Variants in RBFOX1 observed in about 807,000 individuals in gnomAD.
RBFOX1 encodes RNA binding protein fox-1 homolog 1.
RBFOX1 carries 8 observed loss-of-function variants against 57.7 expected under a neutral mutation model. The ratio of observed to expected loss-of-function variants is 0.14; its 90% CI spans 0.08 to 0.25. RBFOX1 has a LOEUF of 0.25. Among genes scored for constraint, RBFOX1 ranks in the 10% least tolerant of loss-of-function variants. The probability of loss-of-function intolerance (pLI) is 1.00; values close to 1 mark genes in which losing one functional copy is unlikely to be tolerated. For synonymous variants in RBFOX1, 326 were observed against 222.4 expected (o/e 1.47, Z -4.15); for missense variants, 611 against 548.5 (o/e 1.11, Z -1.14).
intron 2 of RBFOX1, among the ~76,000 whole-genome samples, chr16:6,487,606 T>C (rs536242078): frequency 3.7e-5 from 5 of 136,040 alleles, no homozygotes; most frequent in African/African-American, 1.1e-4. Context: ...AGGAAAGACT[T>C]TTCAAGAAAA....
chr16:6,759,065 T>C (rs1026114185), intron 3 of RBFOX1, among the ~76,000 whole-genome samples: 1 of 152,162 alleles, frequency 6.6e-6, no homozygotes, highest in Non-Finnish European at 1.5e-5. Flanking sequence ...GTTCCCGTTA[T>C]GAAACAGAAA....
At chr16:6,051,372 G>A (rs1213942912) in intron 1 of RBFOX1, among the ~76,000 whole-genome samples, 1 of 151,948 alleles carries the variant, frequency 6.6e-6, no homozygotes, top group Admixed American at 6.6e-5. Flanking sequence ...CTGTTGCCCA[G>A]GCTGGAGTAC....
At chr16:6,951,465 A>G (rs939911444) in intron 3 of RBFOX1, among the ~76,000 whole-genome samples, 3 of 152,162 alleles carry the variant, frequency 2.0e-5, no homozygotes, top group East Asian at 1.9e-4. Flanking sequence ...GAGCTTTTAT[A>G]TAGTTACATA....
chr16:6,252,776 T>A (rs1397144398), intron 1 of RBFOX1, among the ~76,000 whole-genome samples: 1 of 152,178 alleles, frequency 6.6e-6, no homozygotes, highest in East Asian at 1.9e-4. Flanking sequence ...GTGGAAGATT[T>A]AAATTCTGCG....
intron 3 of RBFOX1, among the ~76,000 whole-genome samples, chr16:6,982,526 C>G (rs1314137705): frequency 1.3e-5 from 2 of 152,180 alleles, no homozygotes; most frequent in East Asian, 3.8e-4. Context: ...CGGCCTCGCC[C>G]TCTGTTCATC....
chr16:7,142,029 CTTCTTTT>C (rs2152117226), intron 4 of RBFOX1, among the ~76,000 whole-genome samples: 1 of 151,766 alleles, frequency 6.6e-6, no homozygotes, highest in South Asian at 2.1e-4. Context: ...TTCCTTCTTT[CTTCTTTT>C]TATCTGAGAC....
chr16:5,456,565 A>G (rs2068636857), intron 1 of RBFOX1, among the ~76,000 whole-genome samples: 1 of 152,230 alleles, frequency 6.6e-6, no homozygotes, highest in African/African-American at 2.4e-5. Context: ...CATTTTAAAG[A>G]CCTACACATC....
intron 1 of RBFOX1, among the ~76,000 whole-genome samples, chr16:6,124,337 C>G (rs1265886184): frequency 6.6e-6 from 1 of 152,142 alleles, no homozygotes. Flanking sequence ...AAAGTTTTCA[C>G]TCTGTCTCAG....
chr16:7,705,893 C>G (rs537771513), intron 14 of RBFOX1, among the ~76,000 whole-genome samples: 4 of 152,144 alleles, frequency 2.6e-5, no homozygotes, highest in African/African-American at 7.2e-5. Flanking sequence ...GAAGTGGGCA[C>G]ATGGAGATCA....
intron 3 of RBFOX1, among the ~76,000 whole-genome samples, chr16:6,788,716 C>A (rs978680279): frequency 6.6e-6 from 1 of 150,514 alleles, no homozygotes; most frequent in Non-Finnish European, 1.5e-5. Context: ...ATCTCGTGAT[C>A]CGCCCGCCTC....
chr16:5,502,748 A>G (rs777110419), intron 2 of RBFOX1, among the ~76,000 whole-genome samples: 7 of 152,200 alleles, frequency 4.6e-5, no homozygotes, highest in Admixed American at 1.3e-4. Flanking sequence ...CAGAGTCTGC[A>G]GTGCACCAGA....
chr16:6,959,411 A>G (rs1199316353), intron 3 of RBFOX1, among the ~76,000 whole-genome samples: 1 of 152,178 alleles, frequency 6.6e-6, no homozygotes, highest in Non-Finnish European at 1.5e-5. Context: ...TAAGAGTTGT[A>G]CTTCACGCTT....
At position 6,720,290 on chromosome 16, in the gene RBFOX1, C is replaced by A. The variant is rs571669923; in HGVS notation, c.-16+65640C>A. ...TTCTTCCCCCTTCACTCTTTTTCTC[C>A]TGTTTCTGCTACGTAAGACATGCCA... On this transcript the variant is annotated intron_variant, in intron 3 of 15. Transcript: ENST00000550418. 5.9e-5 allele frequency among the ~76,000 whole-genome samples: 9 copies of A among 152,116 alleles called. No individual in the cohort carries two copies. In the East Asian group the frequency reaches 1.5e-3, roughly 26 times the overall value.
At chr16:7,000,144 C>A (rs537549544) in intron 3 of RBFOX1, among the ~76,000 whole-genome samples, 41 of 150,178 alleles carry the variant, frequency 2.7e-4, no homozygotes, top group Non-Finnish European at 4.7e-4. Context: ...TCAGTACTTA[C>A]AATTAGAATA....
chr16:6,116,146 A>G (rs1460333500), intron 1 of RBFOX1, among the ~76,000 whole-genome samples: 1 of 152,134 alleles, frequency 6.6e-6, no homozygotes, highest in Non-Finnish European at 1.5e-5. Context: ...GGAAACCATC[A>G]TTCTCAGCAA....
chr16:6,361,183 G>T (rs1429665048), intron 2 of RBFOX1, among the ~76,000 whole-genome samples: 1 of 152,052 alleles, frequency 6.6e-6, no homozygotes, highest in Non-Finnish European at 1.5e-5. Context: ...CACTGAAACA[G>T]GCTCAAAAGG....
At chr16:6,957,561 A>T (rs142966043) in intron 3 of RBFOX1, among the ~76,000 whole-genome samples, 1 of 152,122 alleles carries the variant, frequency 6.6e-6, no homozygotes, top group Admixed American at 6.6e-5. Flanking sequence ...GGTGACTCTC[A>T]TCACCATCTT....
At chr16:6,805,959 C>G (rs926648421) in intron 3 of RBFOX1, among the ~76,000 whole-genome samples, 2 of 152,132 alleles carry the variant, frequency 1.3e-5, no homozygotes, top group African/African-American at 2.4e-5. Context: ...AAAAGCCAAG[C>G]TGGAAAAGGA....
intron 2 of RBFOX1, among the ~76,000 whole-genome samples, chr16:6,401,400 A>G (rs527740619): frequency 6.6e-6 from 1 of 152,360 alleles, no homozygotes; most frequent in Admixed American, 6.5e-5. Flanking sequence ...ACTTATAAGC[A>G]TAACTCACAC....
Sources: gnomAD v4.1 joint callset for allele counts (sites outside exome capture counted in the v4.1 genomes callset) on GRCh38, gnomAD v4.1.1 for gene constraint, MANE v1.5 for transcripts, NCBI Gene and HGNC (gene_info 2026-07-23, HGNC 2026-07-21) for gene names.